The following CCSER1 variants were observed in gnomAD, a reference collection of about 807,000 sequenced individuals.
The protein encoded by CCSER1 is coiled-coil serine rich protein 1.
Under a neutral mutation model 82.0 loss-of-function variants are expected in CCSER1, and 41 were observed. The observed-to-expected ratio is 0.50, with a 90% CI of 0.39 to 0.65. The LOEUF (loss-of-function observed/expected upper bound fraction) is 0.65. Among genes scored for constraint, CCSER1 ranks in the 30% least tolerant of loss-of-function variants. The probability of loss-of-function intolerance (pLI) is 0.00; values close to 1 mark genes in which losing one functional copy is unlikely to be tolerated. For missense variants in CCSER1, 1,119 were observed against 1,064.2 expected (o/e 1.05, Z -0.72); for synonymous variants, 414 against 383.9 (o/e 1.08, Z -0.92).
chr4:90,709,730 T>A (rs1271106631), intron 6 of CCSER1, among the ~76,000 whole-genome samples: 1 of 152,212 alleles, frequency 6.6e-6, no homozygotes, highest in Non-Finnish European at 1.5e-5. Context: ...TTGTGAATAG[T>A]GCTGCAGTGA....
chr4:90,367,386 G>C (rs1746458729), intron 3 of CCSER1, among the ~76,000 whole-genome samples: 1 of 151,812 alleles, frequency 6.6e-6, no homozygotes, highest in South Asian at 2.1e-4. Flanking sequence ...ATAATATGAG[G>C]TAACATGAAA....
chr4:90,696,539 A>G (rs887368073), intron 6 of CCSER1, among the ~76,000 whole-genome samples: 1 of 152,198 alleles, frequency 6.6e-6, no homozygotes, highest in Non-Finnish European at 1.5e-5. Flanking sequence ...GTCCTAATTG[A>G]ATAACGATGG....
intron 7 of CCSER1, among the ~76,000 whole-genome samples, chr4:90,728,333 GTTTC>G (rs1456954061): frequency 6.6e-6 from 1 of 152,086 alleles, no homozygotes; most frequent in Non-Finnish European, 1.5e-5. Context: ...TCTCAGAGAT[GTTTC>G]TTCTCTCCTT....
At chr4:91,392,949 G>A (rs906200242) in intron 10 of CCSER1, among the ~76,000 whole-genome samples, 1 of 152,052 alleles carries the variant, frequency 6.6e-6, no homozygotes, top group African/African-American at 2.4e-5. Flanking sequence ...TTTTGATAAA[G>A]GAAGTCAGAT....
At chr4:90,918,699 C>T (rs765436733) in intron 8 of CCSER1, among the ~76,000 whole-genome samples, 1 of 150,966 alleles carries the variant, frequency 6.6e-6, no homozygotes, top group South Asian at 2.1e-4. Context: ...TAGGACCCAG[C>T]CTTTTTATAT....
At chr4:90,869,531 G>A (rs1766173816) in intron 8 of CCSER1, among the ~76,000 whole-genome samples, 2 of 151,766 alleles carry the variant, frequency 1.3e-5, no homozygotes, top group African/African-American at 2.4e-5. Flanking sequence ...ATTTATTTAT[G>A]GATTTTCTAT....
At chr4:90,299,613 G>A (rs57546664) in intron 1 of CCSER1, among the ~76,000 whole-genome samples, 4,813 of 152,044 alleles carry the variant, frequency 0.032, 244 homozygotes, top group African/African-American at 0.1. Flanking sequence ...AGTGGCTTTC[G>A]TCATTGTTGT....
intron 8 of CCSER1, among the ~76,000 whole-genome samples, chr4:90,852,591 C>A (rs1283166102): frequency 2.6e-5 from 4 of 152,154 alleles, no homozygotes; most frequent in African/African-American, 7.2e-5. Flanking sequence ...GGAAAGAAAA[C>A]CTTCATCTCT....
At chr4:91,552,111 A>G (rs1762187044) in intron 10 of CCSER1, among the ~76,000 whole-genome samples, 1 of 151,664 alleles carries the variant, frequency 6.6e-6, no homozygotes, top group Non-Finnish European at 1.5e-5. Context: ...AATGTATGAC[A>G]TAAAATCTCT....
At chr4:91,451,365 C>A (rs1755861083) in intron 10 of CCSER1, among the ~76,000 whole-genome samples, 1 of 151,898 alleles carries the variant, frequency 6.6e-6, no homozygotes, top group African/African-American at 2.4e-5. Context: ...TTTAAAAGCT[C>A]ATTTTAAAAG....
intron 5 of CCSER1, among the ~76,000 whole-genome samples, chr4:90,599,599 C>G (rs1783799159): frequency 6.6e-6 from 1 of 152,120 alleles, no homozygotes; most frequent in Non-Finnish European, 1.5e-5. Flanking sequence ...GGAGAAGCCC[C>G]TTGTGATCCA....
intron 5 of CCSER1, among the ~76,000 whole-genome samples, chr4:90,490,841 G>A (rs997407708): frequency 6.6e-6 from 1 of 152,104 alleles, no homozygotes; most frequent in South Asian, 2.1e-4. Flanking sequence ...CAGATGTGTG[G>A]TATTATTTCT....
chr4:91,379,801 G>T (rs1196613045), intron 10 of CCSER1, among the ~76,000 whole-genome samples: 1 of 152,154 alleles, frequency 6.6e-6, no homozygotes, highest in Non-Finnish European at 1.5e-5. Context: ...TTTTGAATGT[G>T]TTTGCTCTTG....
At chr4:90,639,305 T>G (rs1283759806) in intron 6 of CCSER1, among the ~76,000 whole-genome samples, 2 of 151,710 alleles carry the variant, frequency 1.3e-5, no homozygotes, top group Non-Finnish European at 2.9e-5. Flanking sequence ...TCAATAATTT[T>G]TAATAAAATT....
At chr4:91,462,133 T>A (rs921720156) in intron 10 of CCSER1, among the ~76,000 whole-genome samples, 1 of 152,174 alleles carries the variant, frequency 6.6e-6, no homozygotes, top group African/African-American at 2.4e-5. Context: ...AATTAGTTAT[T>A]GCCTTAATAA....
chr4:90,700,587 T>C lies in CCSER1; in HGVS notation c.1933-23327T>C, dbSNP rs537896893. Among the ~76,000 whole-genome samples, 709 of 152,338 alleles carry C rather than the reference T, an allele frequency of 4.7e-3. 6 individuals are homozygous for C. The highest frequency in any genetic ancestry group is 0.017 in the African/African-American group (690 of 41,574). On this transcript the variant is annotated intron_variant, in intron 6 of 10. Coordinates refer to ENST00000509176, the MANE Select transcript of CCSER1 (RefSeq NM_001145065.2). ...ACACTGTCTTCCACAATGGTTGAACTAGTTTACAGTCCCACCAACAGTGTA... is the reference window on the plus strand; with the variant it reads ...ACACTGTCTTCCACAATGGTTGAACCAGTTTACAGTCCCACCAACAGTGTA...
intron 10 of CCSER1, among the ~76,000 whole-genome samples, chr4:91,378,684 T>C (rs1179716633): frequency 6.6e-6 from 1 of 152,202 alleles, no homozygotes; most frequent in Non-Finnish European, 1.5e-5. Flanking sequence ...TATACAATCT[T>C]GTCATCTGCA....
chr4:90,276,254 C>CTTT (rs1560929885), intron 1 of CCSER1, among the ~76,000 whole-genome samples: 2,883 of 72,622 alleles, frequency 0.04, 95 homozygotes, highest in East Asian at 0.047. Flanking sequence ...TTCTTTCTTT[C>CTTT]CTTCCTTCCT....
intron 10 of CCSER1, among the ~76,000 whole-genome samples, chr4:91,286,746 A>T (rs539841018): frequency 3.9e-4 from 60 of 151,906 alleles, no homozygotes; most frequent in Non-Finnish European, 6.8e-4. Flanking sequence ...TGTAACTCTA[A>T]AATTTAATAA....
Sources: allele counts gnomAD v4.1 joint callset (sites outside exome capture counted in the v4.1 genomes callset), GRCh38; gene constraint gnomAD v4.1.1; transcripts MANE v1.5; gene names NCBI Gene and HGNC (gene_info 2026-07-23, HGNC 2026-07-21).